The following SPIRE1 variants were observed in gnomAD, a reference collection of about 807,000 sequenced individuals.
The protein encoded by SPIRE1 is protein spire homolog 1.
SPIRE1 carries 40 observed loss-of-function variants against 94.1 expected under a neutral mutation model. The observed-to-expected ratio is 0.43, with a 90% confidence interval of 0.33 to 0.55. SPIRE1 has a LOEUF of 0.55. SPIRE1 is among the 20% of genes least tolerant of loss of function. The probability of loss-of-function intolerance (pLI) is 0.06; values close to 1 mark genes in which losing one functional copy is unlikely to be tolerated. For synonymous variants in SPIRE1, 376 were observed against 371.7 expected, an observed-to-expected ratio of 1.01 and a Z score of -0.13; for missense variants, 838 against 975.2, an observed-to-expected ratio of 0.86 and a Z score of 1.87.
chr18:12,617,502 C>G (rs1369631342), intron 2 of SPIRE1, among the ~76,000 whole-genome samples: 1 of 152,108 alleles, frequency 6.6e-6, no homozygotes, highest in Non-Finnish European at 1.5e-5. Flanking sequence ...ACCTCTGCCC[C>G]CGGGTTCAAG....
chr18:12,644,999 A>G (rs1320385625), intron 1 of SPIRE1, among the ~76,000 whole-genome samples: 1 of 152,090 alleles, frequency 6.6e-6, no homozygotes, highest in Non-Finnish European at 1.5e-5. Flanking sequence ...TAACCCCAGT[A>G]CTTTGGGAGG....
chr18:12,576,178 G>T (rs931141347), intron 2 of SPIRE1, among the ~76,000 whole-genome samples: 13 of 151,440 alleles, frequency 8.6e-5, no homozygotes, highest in South Asian at 4.1e-4. Flanking sequence ...ATTCCAGCCT[G>T]GGCGATATAG....
chr18:12,576,380 A>G (rs191305946), intron 2 of SPIRE1, among the ~76,000 whole-genome samples: 51 of 151,556 alleles, frequency 3.4e-4, no homozygotes, highest in Non-Finnish European at 2.2e-4. Context: ...GGTGAAACTC[A>G]AGACCAGCCT....
chr18:12,550,668 T>C (rs2035322266), intron 2 of SPIRE1, among the ~76,000 whole-genome samples: 1 of 152,130 alleles, frequency 6.6e-6, no homozygotes, highest in Non-Finnish European at 1.5e-5. Context: ...AATGCGCCCA[T>C]CTCTCCCTTC....
chr18:12,638,906 T>G (rs1321159969), intron 1 of SPIRE1, among the ~76,000 whole-genome samples: 2 of 152,162 alleles, frequency 1.3e-5, no homozygotes, highest in African/African-American at 2.4e-5. Context: ...TCCCCAGCCA[T>G]GCTTCCTGTA....
At chr18:12,537,622 A>C (rs1348481099) in intron 3 of SPIRE1, among the ~76,000 whole-genome samples, 1 of 152,188 alleles carries the variant, frequency 6.6e-6, no homozygotes, top group Middle Eastern at 3.2e-3. Context: ...CACATAAAAA[A>C]TCTAAAGGAA....
intron 2 of SPIRE1, among the ~76,000 whole-genome samples, chr18:12,603,319 G>A (rs924124872): frequency 6.6e-6 from 1 of 152,070 alleles, no homozygotes; most frequent in African/African-American, 2.4e-5. Flanking sequence ...GCTTTTCTGG[G>A]GAAATGTGAT....
intron 2 of SPIRE1, among the ~76,000 whole-genome samples, chr18:12,589,811 CA>C (rs1381421169): frequency 6.6e-6 from 1 of 152,150 alleles, no homozygotes; most frequent in African/African-American, 2.4e-5. Context: ...TATGTCAAAA[CA>C]GGGAAGCAGG....
intron 2 of SPIRE1, among the ~76,000 whole-genome samples, chr18:12,579,232 C>CACAA (rs1491052840): frequency 7.3e-6 from 1 of 136,790 alleles, no homozygotes; most frequent in African/African-American, 2.7e-5. Context: ...CACACACACA[C>CACAA]AAAATACTGA....
At chr18:12,484,226 T>C (rs1162172100) in intron 9 of SPIRE1, among the ~76,000 whole-genome samples, 1 of 152,246 alleles carries the variant, frequency 6.6e-6, no homozygotes, top group Admixed American at 6.5e-5. Context: ...TGGAAGCATC[T>C]TTTGTAGATA....
At chr18:12,552,201 A>AG (rs968567001) in intron 2 of SPIRE1, among the ~76,000 whole-genome samples, 2 of 152,186 alleles carry the variant, frequency 1.3e-5, no homozygotes, top group African/African-American at 2.4e-5. Context: ...AATGAACTTG[A>AG]AAGGCACTCT....
intron 4 of SPIRE1, among the ~76,000 whole-genome samples, chr18:12,524,149 T>C (rs2034437676): frequency 6.6e-6 from 1 of 152,240 alleles, no homozygotes; most frequent in Admixed American, 6.5e-5. Context: ...TCTCTATATG[T>C]ATTGGATTAT....
chr18:12,505,990 G>A (rs1308542250), intron 6 of SPIRE1, among the ~76,000 whole-genome samples: 1 of 152,036 alleles, frequency 6.6e-6, no homozygotes, highest in East Asian at 1.9e-4. Flanking sequence ...CTGGGTTATG[G>A]AATTACATGT....
chr18:12,576,705 C>T lies in SPIRE1; in HGVS notation c.373-29801G>A, dbSNP rs185301389. Among the ~76,000 whole-genome samples the T allele has an allele frequency of 4.7e-3, 711 of 150,358 alleles. 6 individuals carry two copies. Among genetic ancestry groups the T allele is most frequent in the African/African-American group, 0.016 (654 of 40,910 alleles). On this transcript the variant is annotated intron_variant, in intron 2 of 16. Coordinates refer to ENST00000409402, the MANE Select transcript of SPIRE1 (RefSeq NM_001128626.2). ...GAGATCGAGACCATCCTGGCTAACA[C>T]GGTGAAACCCCGTCTCTACTAAAAA...
At chr18:12,461,302 T>G (rs1794993535) in intron 12 of SPIRE1, among the ~76,000 whole-genome samples, 1 of 152,110 alleles carries the variant, frequency 6.6e-6, no homozygotes, top group Non-Finnish European at 1.5e-5. Context: ...TAAAGGCCAG[T>G]TACAAGCTGA....
chr18:12,498,759 T>C (rs577650967), intron 6 of SPIRE1, among the ~76,000 whole-genome samples: 1 of 152,174 alleles, frequency 6.6e-6, no homozygotes, highest in Non-Finnish European at 1.5e-5. Context: ...CCTGAGTAGC[T>C]GGGACTACAG....
intron 2 of SPIRE1, among the ~76,000 whole-genome samples, chr18:12,588,006 T>G (rs532536091): frequency 6.6e-6 from 1 of 152,248 alleles, no homozygotes; most frequent in South Asian, 2.1e-4. Context: ...CTCCCTCCCC[T>G]CAGCTCTAGG....
In SPIRE1 at chr18:12,447,337, A is replaced by G. The variant is rs1034886443; in HGVS notation, c.*2301T>C. On this transcript the variant is annotated 3_prime_UTR_variant, in exon 17 of 17. Coordinates refer to ENST00000409402, the MANE Select transcript of SPIRE1 (RefSeq NM_001128626.2). ...AGAACTGGAAGCTATGCCTAAAGTC[A>G]GACCAGGCTAAGGATTTTAAAACCA... 1 of 152,210 alleles carries G rather than the reference A, an allele frequency of 6.6e-6. No individual in the cohort carries two copies. The highest frequency in any genetic ancestry group is 2.4e-5 in the African/African-American group (1 of 41,438). The allele number at this position is 152,210 out of a possible 1,614,324, so 9.4% of individuals were successfully genotyped here.
chr18:12,647,009 C>T (rs2038246234), intron 1 of SPIRE1, among the ~76,000 whole-genome samples: 1 of 151,060 alleles, frequency 6.6e-6, no homozygotes, highest in Admixed American at 6.6e-5. Flanking sequence ...GCAGGATTGC[C>T]CTCCAGCCTG....
Sources: gnomAD v4.1 joint callset for allele counts (sites outside exome capture counted in the v4.1 genomes callset) on GRCh38, gnomAD v4.1.1 for gene constraint, MANE v1.5 for transcripts, NCBI Gene and HGNC (gene_info 2026-07-23, HGNC 2026-07-21) for gene names.